The following GLIPR1L2 variants were observed in gnomAD, a reference collection of about 807,000 sequenced individuals.
The protein encoded by GLIPR1L2 is GLIPR1 like 2.
A neutral mutation model predicts 28.4 loss-of-function variants in GLIPR1L2; 21 were observed. That is an observed-to-expected ratio of 0.74 (90% CI 0.52 to 1.06). GLIPR1L2 has a LOEUF of 1.06. GLIPR1L2 is among the 50% of genes least tolerant of loss of function. The pLI, the probability that GLIPR1L2 is intolerant of heterozygous loss-of-function variation, is 0.00. For synonymous variants in GLIPR1L2, 145 were observed against 139.3 expected, an observed-to-expected ratio of 1.04 and a Z score of -0.29; for missense variants, 476 against 416.9, an observed-to-expected ratio of 1.14 and a Z score of -1.23.
At position 75,391,310 on chromosome 12, in the gene GLIPR1L2, G is replaced by C. The variant is rs116411652; in HGVS notation, c.194G>C (p.Arg65Pro). The C allele has an allele frequency of 6.2e-7, 1 of 1,614,174 alleles. No individual in the cohort carries two copies. The highest frequency in any genetic ancestry group is 8.5e-7 in the Non-Finnish European group (1 of 1,180,024). Residue 65 changes from arginine to proline, a missense_variant, in exon 1 of 6, where the codon CGG becomes CCG. Arg to Pro is a moderately radical substitution (Grantham distance 103). Transcript: ENST00000550916. ...NEYVNLHNEL[R>P]GDVIPRGSNL... The stretch of plus-strand genomic sequence containing the variant: ...TACGTGAACCTCCACAATGAGCTGC[G>C]GGGCGACGTCATTCCCCGAGGGTCT...
intron 1 of GLIPR1L2, among the ~76,000 whole-genome samples, 177 bp from the exon 2 acceptor site, chr12:75,410,257 G>C (rs146564507): frequency 1.3e-5 from 2 of 151,588 alleles, no homozygotes; most frequent in Non-Finnish European, 3.0e-5. Flanking sequence ...TCAGGAAATG[G>C]TCATTTCATT....
chr12:75,399,275 G>T (rs1186275559), intron 1 of GLIPR1L2, among the ~76,000 whole-genome samples: 1 of 152,122 alleles, frequency 6.6e-6, no homozygotes, highest in Non-Finnish European at 1.5e-5. Flanking sequence ...AAATATATGA[G>T]TGTTTAGCAT....
At chr12:75,395,568 C>T (rs1382670495) in intron 1 of GLIPR1L2, among the ~76,000 whole-genome samples, 1 of 151,734 alleles carries the variant, frequency 6.6e-6, no homozygotes, top group Non-Finnish European at 1.5e-5. Flanking sequence ...TCACCAATGA[C>T]TCCATCTGGT....
chr12:75,426,141 C>T (rs2046031969), intron 4 of GLIPR1L2, among the ~76,000 whole-genome samples: 1 of 152,072 alleles, frequency 6.6e-6, no homozygotes, highest in African/African-American at 2.4e-5. Flanking sequence ...ATTGAAAGTG[C>T]ACACTATGTG....
rs752439276 is a variant in GLIPR1L2, at chr12:75,391,152, G to T, written c.36G>T (p.Arg12Ser). The change falls in exon 1 of 6, where the codon AGG (arginine) becomes AGT (serine). Residue 12 changes from arginine (R) to serine (S), a missense_variant. Arg to Ser is a moderately radical substitution (Grantham distance 110). Coordinates refer to ENST00000550916, the MANE Select transcript of GLIPR1L2 (RefSeq NM_001270396.2). The stretch of plus-strand genomic sequence containing the variant: ...CAAGGCCCTTCGCCCGGGAGTGGAG[G>T]GCCCAGTCCCTACCCCTGGCAGTAG... ...EAARPFAREW[R>S]AQSLPLAVGG... The T allele has an allele frequency of 1.6e-5, 26 of 1,613,950 alleles. No homozygotes were observed. Among genetic ancestry groups the T allele is most frequent in the Non-Finnish European group, 2.1e-5 (25 of 1,179,998 alleles).
intron 1 of GLIPR1L2, among the ~76,000 whole-genome samples, chr12:75,409,394 G>A (rs1016823859): frequency 6.6e-6 from 1 of 151,588 alleles, no homozygotes; most frequent in African/African-American, 2.4e-5. Context: ...AATTTAATGA[G>A]TCTCTAAATG....
chr12:75,397,725 A>G (rs999980797), intron 1 of GLIPR1L2, among the ~76,000 whole-genome samples: 8 of 152,146 alleles, frequency 5.3e-5, no homozygotes, highest in African/African-American at 1.9e-4. Flanking sequence ...GATTTCTCAC[A>G]TGACATGACT....
At chr12:75,430,608 A>G (rs1480068795) in intron 4 of GLIPR1L2, 107 bp from the exon 5 acceptor site, 2 of 1,027,582 alleles carry the variant, frequency 1.9e-6, no homozygotes, top group South Asian at 1.6e-5. Flanking sequence ...ATCAAAGATA[A>G]TGCCTGAGAA....
chr12:75,400,417 C>T (rs1040064732), intron 1 of GLIPR1L2, among the ~76,000 whole-genome samples: 2 of 152,130 alleles, frequency 1.3e-5, no homozygotes, highest in Non-Finnish European at 2.9e-5. Context: ...CCACCGTGCC[C>T]GGCCTGAACG....
intron 4 of GLIPR1L2, among the ~76,000 whole-genome samples, chr12:75,426,945 G>A (rs1308242800): frequency 6.6e-6 from 1 of 151,964 alleles, no homozygotes; most frequent in Non-Finnish European, 1.5e-5. Flanking sequence ...AAGAAGAGAT[G>A]AATGAAAAAA....
chr12:75,406,023 A>G (rs1184267372), intron 1 of GLIPR1L2, among the ~76,000 whole-genome samples: 3 of 151,196 alleles, frequency 2.0e-5, no homozygotes, highest in African/African-American at 7.3e-5. Context: ...TTTTAAAGTA[A>G]TCGACTTAGA....
rs2045903648 is a variant in GLIPR1L2 at position 75,414,357 on chromosome 12, C to T, written c.584+656C>T. 2.0e-5 allele frequency among the ~76,000 whole-genome samples: 3 copies of T among 151,820 alleles called. No individual in the cohort carries two copies. In the South Asian group the frequency reaches 6.2e-4, roughly 31 times the overall value. On this transcript the variant is annotated intron_variant, in intron 3 of 5. Coordinates refer to ENST00000550916, the MANE Select transcript of GLIPR1L2 (RefSeq NM_001270396.2). Reference sequence around the variant, plus strand: ...ACTATAAATAATATTATTATAACTTCCAAATAAGTTAGAAAATGTTTGAAT... The same window carrying T: ...ACTATAAATAATATTATTATAACTTTCAAATAAGTTAGAAAATGTTTGAAT...
chr12:75,413,109 A>G (rs2045886653), intron 2 of GLIPR1L2, among the ~76,000 whole-genome samples: 1 of 145,896 alleles, frequency 6.9e-6, no homozygotes. Flanking sequence ...AAAACCAAAC[A>G]CCGCATGTTC....
intron 3 of GLIPR1L2, among the ~76,000 whole-genome samples, chr12:75,414,621 G>A (rs910814796): frequency 2.0e-5 from 3 of 152,044 alleles, no homozygotes; most frequent in African/African-American, 7.2e-5. Flanking sequence ...AAATAAGTTT[G>A]GAATATAGAG....
chr12:75,391,877 ATTTTTT>A (rs5799223), intron 1 of GLIPR1L2, among the ~76,000 whole-genome samples: 63 of 147,484 alleles, frequency 4.3e-4, no homozygotes, highest in African/African-American at 1.5e-3. Context: ...TGTTATCTTG[ATTTTTT>A]TTTTTTGTGC....
intron 1 of GLIPR1L2, 200 bp downstream of exon 1, chr12:75,391,550 A>G: frequency 1.3e-6 from 2 of 1,518,084 alleles, no homozygotes; most frequent in South Asian, 2.4e-5. Flanking sequence ...CCATGATATT[A>G]CACAGGGCCA....
chr12:75,421,908 T>G (rs996929162), intron 3 of GLIPR1L2, among the ~76,000 whole-genome samples: 3 of 152,170 alleles, frequency 2.0e-5, no homozygotes, highest in African/African-American at 7.2e-5. Flanking sequence ...ATCATTTCTA[T>G]GAAACTTTTT....
chr12:75,427,923 T>G (rs562327613), intron 4 of GLIPR1L2, among the ~76,000 whole-genome samples: 33 of 152,320 alleles, frequency 2.2e-4, no homozygotes, highest in East Asian at 9.6e-4. Flanking sequence ...TAAACCTCCT[T>G]TCTTTGTAAA....
At chr12:75,411,178 C>T (rs12821144) in intron 2 of GLIPR1L2, among the ~76,000 whole-genome samples, 27,201 of 151,686 alleles carry the variant, frequency 0.18, 2,693 homozygotes, top group Admixed American at 0.24. Context: ...AGTACATAAC[C>T]TTTGTTATTT....
Sources: allele counts gnomAD v4.1 joint callset (sites outside exome capture counted in the v4.1 genomes callset), GRCh38; gene constraint gnomAD v4.1.1; transcripts MANE v1.5; gene names NCBI Gene and HGNC (gene_info 2026-07-23, HGNC 2026-07-21).